Variants in DOCK3 observed in about 807,000 individuals in gnomAD.
The protein encoded by DOCK3 is dedicator of cytokinesis protein 3.
DOCK3 carries 60 observed loss-of-function variants against 265.6 expected under a neutral mutation model. That is an observed-to-expected ratio of 0.23 (90% CI 0.18 to 0.28). The LOEUF (loss-of-function observed/expected upper bound fraction) is 0.28, where lower values mean the gene tolerates loss of function less well. Ranked by LOEUF, DOCK3 falls within the 10% of genes least tolerant of loss-of-function variation. DOCK3 has a pLI of 1.00. For missense variants in DOCK3, 1,981 were observed against 2,594.3 expected (o/e 0.76, Z 5.14); for synonymous variants, 881 against 938.0 (o/e 0.94, Z 1.11).
At chr3:50,918,781 T>G (rs889428751) in intron 4 of DOCK3, among the ~76,000 whole-genome samples, 8 of 152,280 alleles carry the variant, frequency 5.3e-5, no homozygotes, top group Admixed American at 4.6e-4. Flanking sequence ...CCCATTTGTC[T>G]ATTTTGGCTT....
At chr3:51,204,726 T>C (rs1428813818) in intron 12 of DOCK3, among the ~76,000 whole-genome samples, 5 of 150,982 alleles carry the variant, frequency 3.3e-5, no homozygotes, top group East Asian at 3.9e-4. Context: ...TGTATGTTTA[T>C]TGCGGCACTA....
intron 2 of DOCK3, among the ~76,000 whole-genome samples, chr3:50,822,312 T>A (rs1298148325): frequency 1.3e-5 from 2 of 152,194 alleles, no homozygotes; most frequent in Non-Finnish European, 1.5e-5. Flanking sequence ...TCAGCCTGGA[T>A]GTTATTGGTG....
At chr3:50,776,899 G>C (rs1394031273) in intron 1 of DOCK3, among the ~76,000 whole-genome samples, 2 of 152,128 alleles carry the variant, frequency 1.3e-5, no homozygotes, top group Non-Finnish European at 2.9e-5. Context: ...AAAAGAAAGA[G>C]GTTTATTGGA....
intron 5 of DOCK3, among the ~76,000 whole-genome samples, chr3:51,014,832 G>C (rs1234804284): frequency 6.6e-6 from 1 of 151,890 alleles, no homozygotes; most frequent in Non-Finnish European, 1.5e-5. Context: ...CCATTGTTTT[G>C]TAGTTTTCTT....
chr3:51,207,574 C>A (rs1183823902), intron 12 of DOCK3, among the ~76,000 whole-genome samples: 1 of 152,044 alleles, frequency 6.6e-6, no homozygotes, highest in Non-Finnish European at 1.5e-5. Flanking sequence ...TTTTTATGGC[C>A]AAGGAGTCCA....
At chr3:51,334,078 T>G (rs978071792) in intron 35 of DOCK3, among the ~76,000 whole-genome samples, 6 of 152,096 alleles carry the variant, frequency 3.9e-5, no homozygotes, top group African/African-American at 1.4e-4. Context: ...ATTCCTGGGC[T>G]CAAGTGATCC....
intron 2 of DOCK3, among the ~76,000 whole-genome samples, chr3:50,786,010 T>G (rs1471181759): frequency 6.6e-6 from 1 of 152,018 alleles, no homozygotes; most frequent in Non-Finnish European, 1.5e-5. Flanking sequence ...CTGTTCAGAG[T>G]TTCTGTATCT....
chr3:50,792,323 C>T (rs1266032934), intron 2 of DOCK3, among the ~76,000 whole-genome samples: 1 of 152,080 alleles, frequency 6.6e-6, no homozygotes, highest in East Asian at 1.9e-4. Context: ...TGAGACTTTG[C>T]TGAAGTTGTT....
chr3:50,800,584 A>T (rs564291377), intron 2 of DOCK3, among the ~76,000 whole-genome samples: 121 of 152,014 alleles, frequency 8.0e-4, no homozygotes, highest in Admixed American at 2.2e-3. Flanking sequence ...TAGTCTAGCT[A>T]ATGGTTTACC....
At chr3:51,072,956 C>G (rs1227632105) in intron 6 of DOCK3, among the ~76,000 whole-genome samples, 2 of 151,846 alleles carry the variant, frequency 1.3e-5, no homozygotes, top group Non-Finnish European at 1.5e-5. Flanking sequence ...AGTCCTCGCT[C>G]CCTGACTTCC....
chr3:51,042,914 A>T (rs181608468), intron 5 of DOCK3, among the ~76,000 whole-genome samples: 1 of 152,200 alleles, frequency 6.6e-6, no homozygotes, highest in African/African-American at 2.4e-5. Flanking sequence ...TACAAAGAGA[A>T]CTACAAACCA....
At position 50,873,091 on chromosome 3, in the gene DOCK3, G is replaced by T. The variant is rs375724979; in HGVS notation, c.163-16935G>T. Among the ~76,000 whole-genome samples, 6 of 152,246 alleles carry T rather than the reference G, an allele frequency of 3.9e-5. No homozygotes were observed. In the South Asian group the frequency reaches 6.2e-4, roughly 16 times the overall value. ...CCTTGTTTCCTTTTCCCCTCCACTTGTCTCAGGCAGAAGGCTTGCCCGGTA... is the reference window on the plus strand; with the variant it reads ...CCTTGTTTCCTTTTCCCCTCCACTTTTCTCAGGCAGAAGGCTTGCCCGGTA... On this transcript the variant is annotated intron_variant, in intron 3 of 52. Transcript: ENST00000266037.
Position 51,351,002 on chromosome 3 carries a change from C to T in DOCK3, c.4107+610C>T, listed in dbSNP as rs530194948. Among the ~76,000 whole-genome samples the T allele has an allele frequency of 1.1e-4, 16 of 152,292 alleles. No individual in the cohort carries two copies. The South Asian group carries it at 2.7e-3, about 26-fold the overall frequency. On this transcript the variant is annotated intron_variant, in intron 40 of 52. Transcript: ENST00000266037. ...GATGACAACAGCCTTTTCTCCCTAC[C>T]GTTCCCTGGCAGGCTGAACTGGAAT...
intron 10 of DOCK3, among the ~76,000 whole-genome samples, chr3:51,157,894 C>T (rs763497220): frequency 2.0e-5 from 3 of 151,198 alleles, no homozygotes; most frequent in Non-Finnish European, 4.4e-5. Flanking sequence ...CAAGCTCTGC[C>T]TCCCGGGTTC....
chr3:51,106,298 C>T (rs779788595), intron 9 of DOCK3, among the ~76,000 whole-genome samples: 33 of 152,200 alleles, frequency 2.2e-4, no homozygotes, highest in Non-Finnish European at 4.7e-4. Context: ...GTACCCACAT[C>T]ATAGCTCCTG....
chr3:50,805,995 A>T (rs1359942850), intron 2 of DOCK3, among the ~76,000 whole-genome samples: 1 of 151,726 alleles, frequency 6.6e-6, no homozygotes, highest in African/African-American at 2.4e-5. Flanking sequence ...AGCCTGTGAC[A>T]TGGCTGCAGC....
chr3:51,023,293 GTC>G (rs777008839), intron 5 of DOCK3, among the ~76,000 whole-genome samples: 10 of 150,414 alleles, frequency 6.6e-5, no homozygotes, highest in Non-Finnish European at 1.0e-4. Context: ...TTGAAAGCCT[GTC>G]TTTGAGCTCT....
chr3:50,691,800 C>G (rs1338510877), intron 1 of DOCK3, among the ~76,000 whole-genome samples: 1 of 152,070 alleles, frequency 6.6e-6, no homozygotes, highest in African/African-American at 2.4e-5. Context: ...ATTTGTATTT[C>G]CCTAATGATT....
intron 32 of DOCK3, among the ~76,000 whole-genome samples, chr3:51,328,110 A>C (rs1170985335): frequency 6.6e-6 from 1 of 152,156 alleles, no homozygotes; most frequent in Non-Finnish European, 1.5e-5. Flanking sequence ...AAACTAGAGG[A>C]GGCCTGAGAA....
Sources: allele counts gnomAD v4.1 joint callset (sites outside exome capture counted in the v4.1 genomes callset), GRCh38; gene constraint gnomAD v4.1.1; transcripts MANE v1.5; gene names NCBI Gene and HGNC (gene_info 2026-07-23, HGNC 2026-07-21).